Variants in AHCTF1 observed in about 807,000 individuals in gnomAD.
AHCTF1 encodes the protein protein ELYS.
AHCTF1 carries 24 observed loss-of-function variants against 248.4 expected under a neutral mutation model. The ratio of observed to expected loss-of-function variants is 0.10; its 90% CI spans 0.07 to 0.14. The LOEUF (loss-of-function observed/expected upper bound fraction) is 0.14. Among genes scored for constraint, AHCTF1 ranks in the 10% least tolerant of loss-of-function variants. The probability of loss-of-function intolerance (pLI) is 1.00; values close to 1 mark genes in which losing one functional copy is unlikely to be tolerated. For synonymous variants in AHCTF1, 786 were observed against 929.8 expected (o/e 0.85, Z 2.81); for missense variants, 2,206 against 2,636.2 (o/e 0.84, Z 3.57).
At chr1:246,868,944 A>G (rs192547227) in intron 24 of AHCTF1, among the ~76,000 whole-genome samples, 4 of 148,984 alleles carry the variant, frequency 2.7e-5, no homozygotes, top group Non-Finnish European at 4.4e-5. Context: ...TCCCGGGTTC[A>G]CGCCATTCTC....
chr1:246,913,647 A>G (rs1665955978), intron 3 of AHCTF1, among the ~76,000 whole-genome samples: 1 of 152,196 alleles, frequency 6.6e-6, no homozygotes. Flanking sequence ...GTTGACTGAG[A>G]GCTTACTGAT....
chr1:246,883,883 G>C (rs1471899026), intron 21 of AHCTF1, among the ~76,000 whole-genome samples: 1 of 152,100 alleles, frequency 6.6e-6, no homozygotes, highest in Non-Finnish European at 1.5e-5. Flanking sequence ...AAGGAAATTA[G>C]AACCTGGCAA....
intron 10 of AHCTF1, 73 bp from the exon 11 acceptor site, chr1:246,899,585 A>G (rs1296560300): frequency 1.3e-4 from 143 of 1,117,766 alleles, no homozygotes; most frequent in Non-Finnish European, 1.8e-4. Context: ...AATTTATCCA[A>G]TAACAGACTG....
At chr1:246,905,442 A>G in intron 6 of AHCTF1, 99 bp downstream of exon 6, 1 of 900,066 alleles carries the variant, frequency 1.1e-6, no homozygotes, top group Non-Finnish European at 1.8e-6. Flanking sequence ...GGTTGCAGTG[A>G]GCCGAAATCA....
In AHCTF1 at chr1:246,850,214, C is replaced by T. The variant is rs376171651; in HGVS notation, c.5792G>A (p.Arg1931His). The change falls in exon 33 of 36, where the codon CGT (arginine) becomes CAT (histidine). Residue 1931 changes from arginine (R) to histidine (H), a missense_variant. By Grantham distance (29) the Arg-to-His change is conservative. This residue lies in a region of AHCTF1 where 469 missense variants were observed against 470.0 expected (regional missense o/e 1.00). Transcript: ENST00000648844. ...TCTGACCCTTCTAACATGTTTAATACGCAGCTGCTTGTCACTGGATTTATC... is the reference window on the plus strand; with the variant it reads ...TCTGACCCTTCTAACATGTTTAATATGCAGCTGCTTGTCACTGGATTTATC... ...QDDKSSDKQL[R>H]IKHVRRVRGR... The T allele has an allele frequency of 7.8e-5, 126 of 1,613,900 alleles. No individual in the cohort carries two copies. Among genetic ancestry groups the T allele is most frequent in the Middle Eastern group, 1.7e-4 (1 of 6,056 alleles).
chr1:246,856,782 A>T (rs1661137166), intron 30 of AHCTF1, among the ~76,000 whole-genome samples: 1 of 152,250 alleles, frequency 6.6e-6, no homozygotes, highest in African/African-American at 2.4e-5. Context: ...TCTCAGGCGT[A>T]AAGCATGTGA....
chr1:246,905,410 T>C (rs959020107), intron 6 of AHCTF1, 131 bp downstream of exon 6: 8 of 647,142 alleles, frequency 1.2e-5, no homozygotes, highest in Admixed American at 7.9e-5. Context: ...AGCGAGAGAA[T>C]GGCATGAATC....
At chr1:246,902,260 C>T (rs1201748841) in intron 8 of AHCTF1, among the ~76,000 whole-genome samples, 1 of 152,160 alleles carries the variant, frequency 6.6e-6, no homozygotes, top group East Asian at 1.9e-4. Flanking sequence ...AGACTACTCA[C>T]ACTAGTTCAG....
Position 246,876,951 on chromosome 1 carries a change from A to G in AHCTF1, c.2936T>C (p.Met979Thr), listed in dbSNP as rs1331996621. ...ATAATAAGACAACTTTAATCGTACC[A>G]TAACATTAATCTTCAGAGTTTGGTT... ...KLNQTLKINVMNDRDPRLRER... is the reference protein window; with the variant it reads ...KLNQTLKINVTNDRDPRLRER... Residue 979 changes from methionine to threonine, a missense_variant and splice_region_variant, in exon 23 of 36, where the codon ATG becomes ACG. Met to Thr is a moderately conservative substitution (Grantham distance 81). Around this residue, in one of 6 missense-constraint regions of AHCTF1, gnomAD observed 955 missense variants for 1,055.6 expected, o/e 0.90. Transcript: ENST00000648844. The G allele has an allele frequency of 1.2e-6, 2 of 1,611,782 alleles. No homozygotes were observed. The highest frequency in any genetic ancestry group is 1.1e-5 in the South Asian group (1 of 90,980).
At chr1:246,875,439 G>GA (rs1291455217) in intron 24 of AHCTF1, among the ~76,000 whole-genome samples, 1 of 152,214 alleles carries the variant, frequency 6.6e-6, no homozygotes, top group African/African-American at 2.4e-5. Flanking sequence ...TAGGCATTTA[G>GA]AAAATTACAT....
intron 33 of AHCTF1, among the ~76,000 whole-genome samples, chr1:246,844,944 A>C (rs1660142746): frequency 6.6e-6 from 1 of 152,142 alleles, no homozygotes; most frequent in Admixed American, 6.6e-5. Flanking sequence ...AGAATCAAGT[A>C]ACTTAAACCT....
chr1:246,867,715 A>G lies in AHCTF1; in HGVS notation c.3185T>C (p.Ile1062Thr). Residue 1062 changes from isoleucine (I) to threonine (T), a missense_variant, in exon 25 of 36, where the codon ATT becomes ACT. Ile to Thr is a moderately conservative substitution (Grantham distance 89). Transcript: ENST00000648844. Reference sequence around the variant, plus strand: ...TTCTTTGCTTGCCCAAACTTCTCCAATTTTAGATAACACATTGTTGATGAA... The same window carrying G: ...TTCTTTGCTTGCCCAAACTTCTCCAGTTTTAGATAACACATTGTTGATGAA... ...SVFINNVLSK[I>T]GEVWASKEPI... 1.2e-6 allele frequency: 2 copies of G among 1,612,648 alleles called. No individual in the cohort carries two copies. Among genetic ancestry groups the G allele is most frequent in the Non-Finnish European group, 1.7e-6 (2 of 1,179,510 alleles).
Position 246,867,247 on chromosome 1 carries a change from G to C in AHCTF1, c.3344C>G (p.Ser1115Cys). Residue 1115 changes from serine to cysteine, a missense_variant, in exon 26 of 36, where the codon TCT (serine) becomes TGT (cysteine). Transcript: ENST00000648844. ...TPISKASQKISRLLDLVVQPV... is the reference protein window; with the variant it reads ...TPISKASQKICRLLDLVVQPV... ...GAATGATTTAATAAACTCTTACCTA[G>C]AAATTTTTTGTGATGCTTTTGAAAT... The C allele has an allele frequency of 6.3e-7, 1 of 1,578,106 alleles. No homozygotes were observed. The highest frequency in any genetic ancestry group is 8.6e-7 in the Non-Finnish European group (1 of 1,156,252).
chr1:246,901,835 A>G (rs1665023272), intron 8 of AHCTF1, among the ~76,000 whole-genome samples: 1 of 152,142 alleles, frequency 6.6e-6, no homozygotes, highest in South Asian at 2.1e-4. Flanking sequence ...TCTCTAAATA[A>G]ATAAACAAAT....
At chr1:246,866,254 C>T (rs1181188804) in intron 26 of AHCTF1, among the ~76,000 whole-genome samples, 1 of 152,022 alleles carries the variant, frequency 6.6e-6, no homozygotes, top group East Asian at 1.9e-4. Flanking sequence ...GGCCTTTCAA[C>T]TTCTATTATT....
At chr1:246,926,990 A>C (rs181522177) in intron 1 of AHCTF1, among the ~76,000 whole-genome samples, 3,075 of 150,560 alleles carry the variant, frequency 0.02, 47 homozygotes, top group Middle Eastern at 0.056. Flanking sequence ...CTGGCTAACA[A>C]GGTGAAATCC....
chr1:246,851,359 T>A lies in AHCTF1; in HGVS notation c.4647A>T (p.Gly1549=), dbSNP rs149538294. The change falls in exon 33 of 36, where the codon GGA becomes GGT. Residue 1549 remains glycine (G), a synonymous_variant. Transcript: ENST00000648844. ...CAAAATTGTACTGAAGCTTAAGTGT[T>A]CCAGAGGGATATAACTCATTAAATG... is the stretch of plus-strand genomic sequence containing the variant. ...NLSFNELYPS[G]TLKLQYNFDT... 11 of 1,613,922 alleles carry A rather than the reference T, an allele frequency of 6.8e-6. No homozygotes were observed. In the African/African-American group the frequency reaches 1.5e-4, roughly 22 times the overall value.
intron 6 of AHCTF1, 128 bp from the exon 7 acceptor site, chr1:246,904,161 T>A (rs914123152): frequency 8.6e-6 from 6 of 695,314 alleles, no homozygotes; most frequent in Non-Finnish European, 1.5e-5. Flanking sequence ...TGTGAAAAAT[T>A]TAGTTTTCGG....
In AHCTF1 at chr1:246,840,959, T is replaced by C. The variant is rs751573964; in HGVS notation, c.6648A>G (p.Ile2216Met). ...EKESAWSPPP[I>M]EIRLISPLAS... ...CCAAGGGGGAAATCAGCCGAATTTC[T>C]ATGGGAGGAGGTGACCAAGCACTTT... The change falls in exon 36 of 36, where the codon ATA becomes ATG. Residue 2216 changes from isoleucine (I) to methionine (M), a missense_variant. By Grantham distance (10) the Ile-to-Met change is conservative (BLOSUM62 1). This residue lies in a region of AHCTF1 where 469 missense variants were observed against 470.0 expected (regional missense o/e 1.00). Coordinates refer to ENST00000648844, the MANE Select transcript of AHCTF1 (RefSeq NM_001323342.2). 6.8e-6 allele frequency: 11 copies of C among 1,611,942 alleles called. No homozygotes were observed. The South Asian group carries it at 9.9e-5, about 15-fold the overall frequency.
Sources: allele counts gnomAD v4.1 joint callset (sites outside exome capture counted in the v4.1 genomes callset), GRCh38; gene constraint gnomAD v4.1.1; regional missense constraint gnomAD v4.1.1; transcripts MANE v1.5; gene names NCBI Gene and HGNC (gene_info 2026-07-23, HGNC 2026-07-21).